Variants in CCSER1 observed in about 807,000 individuals in gnomAD.
CCSER1 encodes the protein serine-rich coiled-coil domain-containing protein 1.
A neutral mutation model predicts 82.0 loss-of-function variants in CCSER1; 41 were observed. That is an observed-to-expected ratio of 0.50 (90% CI 0.39 to 0.65). The LOEUF (loss-of-function observed/expected upper bound fraction) is 0.65. Ranked by LOEUF, CCSER1 falls within the 30% of genes least tolerant of loss-of-function variation. The pLI, the probability that CCSER1 is intolerant of heterozygous loss-of-function variation, is 0.00. For synonymous variants in CCSER1, 414 were observed against 383.9 expected, an observed-to-expected ratio of 1.08 and a Z score of -0.92; for missense variants, 1,119 against 1,064.2, an observed-to-expected ratio of 1.05 and a Z score of -0.72.
intron 10 of CCSER1, among the ~76,000 whole-genome samples, chr4:91,250,058 A>T (rs952742648): frequency 6.6e-6 from 1 of 151,792 alleles, no homozygotes; most frequent in Non-Finnish European, 1.5e-5. Context: ...CTTTAGGACT[A>T]TGATTTCCCT....
intron 10 of CCSER1, among the ~76,000 whole-genome samples, chr4:91,535,385 C>T (rs1761244881): frequency 6.6e-6 from 1 of 151,864 alleles, no homozygotes; most frequent in South Asian, 2.1e-4. Flanking sequence ...GTCATAGAAC[C>T]AGATGTGCTG....
chr4:91,197,729 A>G (rs1003567792), intron 10 of CCSER1, among the ~76,000 whole-genome samples: 11 of 152,180 alleles, frequency 7.2e-5, no homozygotes, highest in African/African-American at 2.7e-4. Context: ...TCTATTGGAC[A>G]GCAGCACTCT....
intron 10 of CCSER1, among the ~76,000 whole-genome samples, chr4:91,117,800 G>A (rs931875062): frequency 2.6e-5 from 4 of 152,122 alleles, no homozygotes; most frequent in East Asian, 1.9e-4. Context: ...ATATTCTTAT[G>A]TTTATATGTT....
intron 5 of CCSER1, among the ~76,000 whole-genome samples, chr4:90,492,261 C>A (rs1191339337): frequency 6.6e-6 from 1 of 151,966 alleles, no homozygotes; most frequent in Non-Finnish European, 1.5e-5. Context: ...TGTATGTGTC[C>A]AGGAATTTAT....
intron 10 of CCSER1, among the ~76,000 whole-genome samples, chr4:91,288,153 T>C (rs1162307152): frequency 1.0e-5 from 1 of 100,332 alleles, no homozygotes; most frequent in African/African-American, 3.5e-5. Flanking sequence ...CACTCGTATA[T>C]ATATATATAC....
intron 10 of CCSER1, among the ~76,000 whole-genome samples, chr4:91,092,009 A>G (rs1231881133): frequency 1.3e-5 from 2 of 152,164 alleles, no homozygotes; most frequent in East Asian, 3.8e-4. Context: ...GAGGAGGCCT[A>G]TGATATAATG....
chr4:90,297,224 G>C (rs1732141826), intron 1 of CCSER1, among the ~76,000 whole-genome samples: 1 of 149,862 alleles, frequency 6.7e-6, no homozygotes, highest in African/African-American at 2.5e-5. Flanking sequence ...TTGTAAGTTG[G>C]ATTCCTAGGT....
intron 10 of CCSER1, among the ~76,000 whole-genome samples, chr4:91,501,640 T>G (rs565677139): frequency 2.2e-4 from 33 of 152,194 alleles, no homozygotes; most frequent in African/African-American, 6.0e-4. Context: ...ATCTGCCCTA[T>G]TCTCCTTTTT....
intron 10 of CCSER1, among the ~76,000 whole-genome samples, chr4:91,210,587 C>A (rs1301861487): frequency 6.7e-6 from 1 of 149,736 alleles, no homozygotes; most frequent in Non-Finnish European, 1.5e-5. Context: ...AATATGAATA[C>A]AATAAAACAT....
At position 90,791,626 on chromosome 4, in the gene CCSER1, G is replaced by A. The variant is rs182878080; in HGVS notation, c.2011-24136G>A. ...AGCACTTTGGGAGGCCAAGGCGGGC[G>A]GATCACGAGGTCAGGAGATCAAGAC... is the stretch of plus-strand genomic sequence containing the variant. On this transcript the variant is annotated intron_variant, in intron 7 of 10. Coordinates refer to ENST00000509176, the MANE Select transcript of CCSER1 (RefSeq NM_001145065.2). 5.0e-3 allele frequency among the ~76,000 whole-genome samples: 767 copies of A among 152,148 alleles called. 3 individuals carry two copies. Among genetic ancestry groups the A allele is most frequent in the African/African-American group, 0.017 (696 of 41,502 alleles).
At chr4:91,042,819 A>T (rs1285219381) in intron 9 of CCSER1, among the ~76,000 whole-genome samples, 1 of 152,224 alleles carries the variant, frequency 6.6e-6, no homozygotes, top group Non-Finnish European at 1.5e-5. Context: ...GGGGAAATTA[A>T]CAAATGATCT....
chr4:91,253,409 A>T (rs960229768), intron 10 of CCSER1, among the ~76,000 whole-genome samples: 3 of 152,120 alleles, frequency 2.0e-5, no homozygotes, highest in Non-Finnish European at 4.4e-5. Flanking sequence ...GTCAAGATTC[A>T]TATGCAGATT....
At chr4:91,001,229 G>A (rs895737057) in intron 9 of CCSER1, among the ~76,000 whole-genome samples, 1 of 151,976 alleles carries the variant, frequency 6.6e-6, no homozygotes, top group African/African-American at 2.4e-5. Flanking sequence ...TGCATATATT[G>A]AACCAACCTT....
At chr4:90,295,609 G>C (rs1323093834) in intron 1 of CCSER1, among the ~76,000 whole-genome samples, 1 of 151,900 alleles carries the variant, frequency 6.6e-6, no homozygotes, top group African/African-American at 2.4e-5. Flanking sequence ...GGAATTACTT[G>C]TTCTTATTCT....
chr4:91,436,576 T>A (rs775849873), intron 10 of CCSER1, among the ~76,000 whole-genome samples: 1 of 152,232 alleles, frequency 6.6e-6, no homozygotes, highest in Non-Finnish European at 1.5e-5. Context: ...GGCAGCTACA[T>A]AGATTTACAG....
At chr4:90,466,717 G>T (rs1037917196) in intron 4 of CCSER1, among the ~76,000 whole-genome samples, 1 of 152,184 alleles carries the variant, frequency 6.6e-6, no homozygotes, top group Non-Finnish European at 1.5e-5. Context: ...CCAAGTGTTG[G>T]TGTGGATGTG....
At chr4:90,196,913 G>T (rs2153401481) in intron 1 of CCSER1, among the ~76,000 whole-genome samples, 1 of 152,008 alleles carries the variant, frequency 6.6e-6, no homozygotes, top group East Asian at 1.9e-4. Context: ...TTTTCCTTTG[G>T]ACACCAGCTG....
intron 10 of CCSER1, among the ~76,000 whole-genome samples, chr4:91,491,077 T>C (rs72658027): frequency 0.095 from 14,247 of 150,670 alleles, 781 homozygotes; most frequent in Non-Finnish European, 0.12. Context: ...ACTACTGTTA[T>C]ACCCACTTTA....
chr4:91,200,470 G>C (rs940829893), intron 10 of CCSER1, among the ~76,000 whole-genome samples: 1 of 152,016 alleles, frequency 6.6e-6, no homozygotes, highest in African/African-American at 2.4e-5. Flanking sequence ...TAGCTGACTT[G>C]TAGTGGGGGG....
Sources: gnomAD v4.1 joint callset for allele counts (sites outside exome capture counted in the v4.1 genomes callset) on GRCh38, gnomAD v4.1.1 for gene constraint, MANE v1.5 for transcripts, NCBI Gene and HGNC (gene_info 2026-07-23, HGNC 2026-07-21) for gene names.